The following ATXN7 variants were observed in gnomAD, a reference collection of about 807,000 sequenced individuals.
ATXN7 encodes the protein ataxin 7, also known as ataxin-7.
A neutral mutation model predicts 70.5 loss-of-function variants in ATXN7; 12 were observed. The observed-to-expected ratio is 0.17, with a 90% CI of 0.11 to 0.28. The LOEUF (loss-of-function observed/expected upper bound fraction) is 0.28, where lower values mean the gene tolerates loss of function less well. ATXN7 is among the 10% of genes least tolerant of loss of function. The pLI, the probability that ATXN7 is intolerant of heterozygous loss-of-function variation, is 1.00. For synonymous variants in ATXN7, 498 were observed against 448.7 expected (o/e 1.11, Z -1.39); for missense variants, 1,256 against 1,131.7 (o/e 1.11, Z -1.58).
chr3:63,969,995 A>G (rs1164496431), intron 5 of ATXN7, among the ~76,000 whole-genome samples: 1 of 152,216 alleles, frequency 6.6e-6, no homozygotes, highest in African/African-American at 2.4e-5. Flanking sequence ...GTGAGGTCAA[A>G]TAAATCGGCC....
intron 2 of ATXN7, among the ~76,000 whole-genome samples, chr3:63,903,148 A>G (rs1703708658): frequency 6.6e-6 from 1 of 152,064 alleles, no homozygotes. Flanking sequence ...TAATTCCGGC[A>G]CTTTGGGAGG....
chr3:63,947,138 T>G (rs1422311604), intron 4 of ATXN7, among the ~76,000 whole-genome samples: 1 of 152,240 alleles, frequency 6.6e-6, no homozygotes, highest in East Asian at 1.9e-4. Context: ...ATAACAATCA[T>G]GACTTTTATC....
At chr3:63,984,837 G>T (rs550173441) in intron 8 of ATXN7, among the ~76,000 whole-genome samples, 1 of 152,278 alleles carries the variant, frequency 6.6e-6, no homozygotes, top group East Asian at 1.9e-4. Context: ...TTGATTCTGT[G>T]AGTTTGATTA....
At position 63,995,567 on chromosome 3, in the gene ATXN7, ACT is replaced by A. The variant is rs2075743969; in HGVS notation, c.1748_1749del (p.Ser583CysfsTer32). The A allele has an allele frequency of 6.2e-7, 1 of 1,613,774 alleles. No individual in the cohort carries two copies. Among genetic ancestry groups the A allele is most frequent in the Non-Finnish European group, 8.5e-7 (1 of 1,179,966 alleles). On this transcript the variant is annotated frameshift_variant, in exon 12 of 13. Transcript: ENST00000674280. LOFTEE classifies it high-confidence loss of function. ...TCCACACGTATTCCTCACCGGACAA[ACT>A]CTGTGCCGACATCACAATGTGGAGT...
At chr3:63,953,366 C>T (rs1575943727) in intron 5 of ATXN7, among the ~76,000 whole-genome samples, 1 of 151,972 alleles carries the variant, frequency 6.6e-6, no homozygotes, top group East Asian at 1.9e-4. Flanking sequence ...ACAGAAGGCC[C>T]GTGTGGCTGA....
At chr3:63,936,744 A>C (rs1480472907) in intron 4 of ATXN7, among the ~76,000 whole-genome samples, 2 of 152,142 alleles carry the variant, frequency 1.3e-5, no homozygotes, top group African/African-American at 4.8e-5. Flanking sequence ...ATATTTGTTG[A>C]TGGATTTAAC....
In ATXN7 at chr3:64,003,322, G is replaced by A. The variant is rs1017347675; in HGVS notation, c.*3855G>A. ...ATCAAGAGCATCTCAGCTGGACTTT[G>A]TGTTGGCTGCTGTATAGAACATGAA... is the stretch of plus-strand genomic sequence containing the variant. On this transcript the variant is annotated 3_prime_UTR_variant, in exon 13 of 13. Transcript: ENST00000674280. 2 of 145,746 alleles carry A rather than the reference G, an allele frequency of 1.4e-5. No homozygotes were observed. The highest frequency in any genetic ancestry group is 2.1e-4 in the East Asian group (1 of 4,750). 9.0% of individuals were successfully genotyped at this position (145,746 alleles called of 1,614,324 possible).
chr3:63,902,582 C>T (rs1188832863), intron 2 of ATXN7, among the ~76,000 whole-genome samples: 1 of 151,892 alleles, frequency 6.6e-6, no homozygotes, highest in African/African-American at 2.4e-5. Flanking sequence ...GCGGTGGATG[C>T]TAAGGGTGGG....
chr3:63,899,044 C>T (rs1331971711), intron 2 of ATXN7, among the ~76,000 whole-genome samples: 1 of 148,198 alleles, frequency 6.7e-6, no homozygotes, highest in Non-Finnish European at 1.5e-5. Flanking sequence ...AAATAGCAGC[C>T]ATCATTAATG....
intron 5 of ATXN7, among the ~76,000 whole-genome samples, chr3:63,964,980 C>T (rs1368115438): frequency 6.6e-6 from 1 of 152,144 alleles, no homozygotes; most frequent in East Asian, 1.9e-4. Flanking sequence ...GGAGAACTGG[C>T]TTTCACCAAT....
chr3:63,921,089 A>G (rs761085730), intron 4 of ATXN7, among the ~76,000 whole-genome samples: 6 of 152,222 alleles, frequency 3.9e-5, no homozygotes, highest in Non-Finnish European at 8.8e-5. Flanking sequence ...AAGAAGGAGA[A>G]CGATTTTTGC....
intron 4 of ATXN7, among the ~76,000 whole-genome samples, chr3:63,939,949 C>G (rs2074726880): frequency 6.6e-6 from 1 of 151,928 alleles, no homozygotes; most frequent in Admixed American, 6.6e-5. Context: ...ATTCTGTGAC[C>G]TATTCCTAGG....
intron 2 of ATXN7, among the ~76,000 whole-genome samples, chr3:63,906,854 A>G (rs1283261115): frequency 1.3e-5 from 2 of 152,242 alleles, no homozygotes; most frequent in African/African-American, 2.4e-5. Context: ...GCAGGAGGCA[A>G]CTGAACAGTG....
chr3:63,908,131 T>A (rs1703902576), intron 2 of ATXN7, among the ~76,000 whole-genome samples: 1 of 152,212 alleles, frequency 6.6e-6, no homozygotes, highest in Non-Finnish European at 1.5e-5. Flanking sequence ...TTATGTCTTA[T>A]CTTTTAAGTC....
chr3:63,929,255 C>T (rs1704839174), intron 4 of ATXN7, among the ~76,000 whole-genome samples: 1 of 149,268 alleles, frequency 6.7e-6, no homozygotes, highest in Admixed American at 6.7e-5. Flanking sequence ...AGGAAGCTTT[C>T]TCTCTCTCTC....
chr3:63,966,104 C>T (rs1476653737), intron 5 of ATXN7, among the ~76,000 whole-genome samples: 6 of 152,144 alleles, frequency 3.9e-5, no homozygotes, highest in African/African-American at 1.4e-4. Flanking sequence ...TTTTTCCCCA[C>T]TGTATTTCGT....
chr3:63,871,057 C>G (rs1327369014), intron 1 of ATXN7, among the ~76,000 whole-genome samples: 1 of 152,198 alleles, frequency 6.6e-6, no homozygotes, highest in Non-Finnish European at 1.5e-5. Flanking sequence ...GATAACTGCT[C>G]TAACTGATTG....
At chr3:63,982,776 T>G in intron 7 of ATXN7, 163 bp from the exon 8 acceptor site, 1 of 633,266 alleles carries the variant, frequency 1.6e-6, no homozygotes, top group South Asian at 2.0e-5. Flanking sequence ...TGTTGCTGCT[T>G]TGTTGCAGCA....
chr3:63,999,574 C>A lies in ATXN7; in HGVS notation c.*107C>A, dbSNP rs780514689. On this transcript the variant is annotated 3_prime_UTR_variant, in exon 13 of 13. Transcript: ENST00000674280. The stretch of plus-strand genomic sequence containing the variant: ...GATGCCTTTGAGTCTGTTTTCCCAA[C>A]CTCCTGTGGGCCTCAAGGGTAGAAA... The A allele has an allele frequency of 1.3e-6, 2 of 1,563,570 alleles. No homozygotes were observed. The highest frequency in any genetic ancestry group is 1.7e-6 in the Non-Finnish European group (2 of 1,150,054).
Sources: gnomAD v4.1 joint callset for allele counts (sites outside exome capture counted in the v4.1 genomes callset) on GRCh38, gnomAD v4.1.1 for gene constraint, MANE v1.5 for transcripts, NCBI Gene and HGNC (gene_info 2026-07-23, HGNC 2026-07-21) for gene names.